PRELID2: variants seen among roughly 807,000 people sequenced by gnomAD.
The protein encoded by PRELID2 is PRELI domain-containing protein 2.
PRELID2 carries 25 observed loss-of-function variants against 28.4 expected under a neutral mutation model. That is an observed-to-expected ratio of 0.88 (90% CI 0.64 to 1.23). The LOEUF is 1.23. Ranked by LOEUF, PRELID2 falls within the 50% of genes most tolerant of loss-of-function variation. PRELID2 has a pLI of 0.00. For missense variants in PRELID2, 201 were observed against 214.4 expected (o/e 0.94, Z 0.39); for synonymous variants, 76 against 71.6 (o/e 1.06, Z -0.31).
the PRELID2 span, among the ~76,000 whole-genome samples, chr5:145,405,879 G>A: frequency 6.6e-5 from 10 of 151,696 alleles, no homozygotes; most frequent in African/African-American, 2.2e-4. Context: ...CTAATTTTTT[G>A]TATTTTTAGT....
intron 1 of PRELID2, among the ~76,000 whole-genome samples, chr5:145,667,122 CA>C (rs1235086919): frequency 1.3e-5 from 2 of 152,042 alleles, no homozygotes; most frequent in African/African-American, 2.4e-5. Context: ...TCTCAATACG[CA>C]GAGAAAAATC....
At chr5:145,249,555 T>C in the PRELID2 span, among the ~76,000 whole-genome samples, 2 of 152,122 alleles carry the variant, frequency 1.3e-5, no homozygotes, top group African/African-American at 4.8e-5. Context: ...TAGAATTATA[T>C]TTTTTCTTCT....
the PRELID2 span, among the ~76,000 whole-genome samples, chr5:145,454,037 C>A: frequency 6.6e-6 from 1 of 152,094 alleles, no homozygotes; most frequent in South Asian, 2.1e-4. Context: ...GAGGAATCAC[C>A]ACATTGTTTT....
At chr5:145,604,168 G>A (rs1349274735) in intron 1 of PRELID2, among the ~76,000 whole-genome samples, 1 of 151,974 alleles carries the variant, frequency 6.6e-6, no homozygotes, top group Non-Finnish European at 1.5e-5. Context: ...TGTCACGAGG[G>A]TCTGATGTAC....
the PRELID2 span, among the ~76,000 whole-genome samples, chr5:145,418,977 G>T: frequency 0.014 from 2,158 of 150,358 alleles, 45 homozygotes; most frequent in African/African-American, 0.05. Context: ...AGAATATGTG[G>T]TGTTTGGTTT....
the PRELID2 span, chr5:145,437,009 C>A: frequency 6.6e-6 from 1 of 152,306 alleles, no homozygotes; most frequent in Admixed American, 6.5e-5. Context: ...TTCTTGACAG[C>A]AAGTAATGTG....
intron 1 of PRELID2, among the ~76,000 whole-genome samples, chr5:145,636,681 A>T (rs1212210717): frequency 6.6e-6 from 1 of 152,246 alleles, no homozygotes; most frequent in African/African-American, 2.4e-5. Flanking sequence ...CACCAGAAGA[A>T]GTAGATACAT....
intron 1 of PRELID2, among the ~76,000 whole-genome samples, chr5:145,603,920 G>A (rs1386604885): frequency 6.6e-6 from 1 of 151,912 alleles, no homozygotes; most frequent in Non-Finnish European, 1.5e-5. Flanking sequence ...TAAACAGAAT[G>A]ATTAAATAGA....
chr5:145,312,624 T>C, the PRELID2 span, among the ~76,000 whole-genome samples: 1 of 152,196 alleles, frequency 6.6e-6, no homozygotes, highest in Admixed American at 6.5e-5. Flanking sequence ...TCTTCCTGTG[T>C]CTGGCTTATT....
At chr5:145,388,376 T>A in the PRELID2 span, among the ~76,000 whole-genome samples, 1 of 152,206 alleles carries the variant, frequency 6.6e-6, no homozygotes, top group Non-Finnish European at 1.5e-5. Flanking sequence ...AAACACTGTA[T>A]CTAACACAAC....
rs558492959 is a variant in PRELID2 at position 145,577,579 on chromosome 5, G to A, written n.71-104264C>T. On this transcript the variant is annotated intron_variant and non_coding_transcript_variant, in intron 1 of 2. Transcript: ENST00000510259. ...GAAGAAAAAGAAAAAGAATGAAAAG[G>A]AATGAAAAAATCTTACAGGATTTAT... is the stretch of plus-strand genomic sequence containing the variant. Among the ~76,000 whole-genome samples the A allele has an allele frequency of 2.0e-3, 311 of 151,920 alleles. 2 individuals carry two copies. The highest frequency in any genetic ancestry group is 7.0e-3 in the African/African-American group (289 of 41,460).
the PRELID2 span, among the ~76,000 whole-genome samples, chr5:145,318,605 G>T: frequency 6.6e-6 from 1 of 152,178 alleles, no homozygotes; most frequent in Admixed American, 6.5e-5. Flanking sequence ...CTGTTTGGCT[G>T]CTGTGCACTC....
At chr5:145,543,122 C>T (rs934625052) in intron 1 of PRELID2, among the ~76,000 whole-genome samples, 2 of 152,122 alleles carry the variant, frequency 1.3e-5, no homozygotes, top group African/African-American at 4.8e-5. Context: ...TTCCTACTAG[C>T]TGCCTTCCTT....
the PRELID2 span, among the ~76,000 whole-genome samples, chr5:145,438,285 G>T: frequency 9.2e-5 from 14 of 152,020 alleles, no homozygotes; most frequent in Admixed American, 9.2e-4. Context: ...AAAAAAAGAA[G>T]AAAGACAAGA....
At chr5:145,408,654 A>G in the PRELID2 span, among the ~76,000 whole-genome samples, 1 of 151,886 alleles carries the variant, frequency 6.6e-6, no homozygotes, top group African/African-American at 2.4e-5. Flanking sequence ...AATTAACCCA[A>G]TGAGAAAAAG....
chr5:145,311,642 A>T, the PRELID2 span, among the ~76,000 whole-genome samples: 1 of 152,136 alleles, frequency 6.6e-6, no homozygotes, highest in African/African-American at 2.4e-5. Flanking sequence ...CTAAGCAATA[A>T]CACCAATTCC....
intron 5 of PRELID2, among the ~76,000 whole-genome samples, chr5:145,765,224 G>A (rs575173386): frequency 1.6e-4 from 24 of 152,206 alleles, no homozygotes; most frequent in African/African-American, 4.6e-4. Flanking sequence ...TGGGCAGAAC[G>A]GAGCTTATGA....
At chr5:145,400,599 C>A in the PRELID2 span, among the ~76,000 whole-genome samples, 1 of 152,094 alleles carries the variant, frequency 6.6e-6, no homozygotes, top group African/African-American at 2.4e-5. Flanking sequence ...CAGGAACATA[C>A]ATCATTTTCC....
chr5:145,755,383 T>C (rs563847596), downstream of PRELID2, among the ~76,000 whole-genome samples: 1 of 152,334 alleles, frequency 6.6e-6, no homozygotes, highest in South Asian at 2.1e-4. Context: ...TGCTCATTCC[T>C]CTCATTAAAG....
Sources: gnomAD v4.1 joint callset for allele counts (sites outside exome capture counted in the v4.1 genomes callset) on GRCh38, gnomAD v4.1.1 for gene constraint, MANE v1.5 for transcripts, NCBI Gene and HGNC (gene_info 2026-07-23, HGNC 2026-07-21) for gene names.